ITSN2: variants seen among roughly 807,000 people sequenced by gnomAD.
ITSN2 encodes the protein intersectin-2.
Under a neutral mutation model 243.7 loss-of-function variants are expected in ITSN2, and 156 were observed. The observed-to-expected ratio is 0.64, with a 90% CI of 0.56 to 0.73. The LOEUF is 0.73. Ranked by LOEUF, ITSN2 falls within the 30% of genes least tolerant of loss-of-function variation. The pLI is 0.00. For synonymous variants in ITSN2, 703 were observed against 699.9 expected (o/e 1.00, Z -0.07); for missense variants, 1,801 against 1,996.1 (o/e 0.90, Z 1.86).
At chr2:24,244,160 T>C (rs1673073024) in intron 29 of ITSN2, among the ~76,000 whole-genome samples, 1 of 152,230 alleles carries the variant, frequency 6.6e-6, no homozygotes, top group South Asian at 2.1e-4. Flanking sequence ...ATTTTCTGTA[T>C]CATTAGTGTA....
At chr2:24,306,075 G>A (rs1290917178) in intron 8 of ITSN2, among the ~76,000 whole-genome samples, 1 of 152,042 alleles carries the variant, frequency 6.6e-6, no homozygotes, top group East Asian at 1.9e-4. Context: ...TGCCTCCCAG[G>A]CACAAATAAT....
chr2:24,238,355 G>A (rs1044659275), intron 29 of ITSN2, among the ~76,000 whole-genome samples: 10 of 151,882 alleles, frequency 6.6e-5, no homozygotes, highest in South Asian at 4.2e-4. Flanking sequence ...ATAAGTTTCC[G>A]GAGATGAGGA....
intron 29 of ITSN2, among the ~76,000 whole-genome samples, chr2:24,222,668 CTTTTT>C (rs56149622): frequency 7.8e-5 from 6 of 77,262 alleles, no homozygotes; most frequent in African/African-American, 2.2e-4. Context: ...TTTTTCTTTT[CTTTTT>C]TTTTTTTTTT....
intron 33 of ITSN2, 95 bp downstream of exon 33, chr2:24,212,555 G>A: frequency 1.1e-6 from 1 of 878,054 alleles, no homozygotes; most frequent in Non-Finnish European, 1.8e-6. Flanking sequence ...GCAGGGTGAG[G>A]TGGCATGCTC....
At chr2:24,328,862 A>G (rs1386243507) in intron 1 of ITSN2, among the ~76,000 whole-genome samples, 1 of 152,202 alleles carries the variant, frequency 6.6e-6, no homozygotes, top group African/African-American at 2.4e-5. Flanking sequence ...AAATAGTCTA[A>G]AAGTAATTAT....
At chr2:24,332,745 G>C (rs1171480270) in intron 1 of ITSN2, among the ~76,000 whole-genome samples, 1 of 152,166 alleles carries the variant, frequency 6.6e-6, no homozygotes, top group African/African-American at 2.4e-5. Context: ...TCTATTTGCA[G>C]AGTAGTACTT....
At chr2:24,255,430 AC>A (rs1332104910) in intron 23 of ITSN2, among the ~76,000 whole-genome samples, 1 of 152,116 alleles carries the variant, frequency 6.6e-6, no homozygotes, top group Non-Finnish European at 1.5e-5. Context: ...GGAGTTTGAG[AC>A]CAGCCTGGCC....
At chr2:24,281,251 A>C (rs1036941198) in intron 17 of ITSN2, among the ~76,000 whole-genome samples, 7 of 152,200 alleles carry the variant, frequency 4.6e-5, no homozygotes, top group Non-Finnish European at 1.0e-4. Context: ...GCTGGTCTCA[A>C]ACTACTGACC....
intron 2 of ITSN2, among the ~76,000 whole-genome samples, chr2:24,325,465 A>G (rs928026384): frequency 6.6e-6 from 1 of 152,118 alleles, no homozygotes; most frequent in Non-Finnish European, 1.5e-5. Flanking sequence ...TTCAAAGCCA[A>G]TTTTAAAATA....
intron 1 of ITSN2, among the ~76,000 whole-genome samples, chr2:24,349,786 G>T (rs2702036): frequency 0.98 from 148,902 of 152,266 alleles, 72,803 homozygotes; most frequent in East Asian, 0.99. Flanking sequence ...AACTCCCTAA[G>T]GAAGAATTGT....
chr2:24,270,160 A>C (rs143173384), intron 20 of ITSN2, among the ~76,000 whole-genome samples: 2 of 152,172 alleles, frequency 1.3e-5, no homozygotes, highest in Non-Finnish European at 2.9e-5. Context: ...CAGAGACTAA[A>C]ATCCAAGTTT....
At chr2:24,334,827 G>A in intron 1 of ITSN2, 1 of 903,636 alleles carries the variant, frequency 1.1e-6, no homozygotes, top group Admixed American at 2.1e-5. Context: ...ACTTTGGGAG[G>A]CCGAGGCGGG....
Position 24,261,150 on chromosome 2 carries a change from T to G in ITSN2, c.2638A>C (p.Thr880Pro). ...ACAGATCCAGGGGACACAGTTCGAG[T>G]GAAGGCTGATTTTTTCTGCCATGAT... is the stretch of plus-strand genomic sequence containing the variant. The part of the protein sequence containing the change: ...NTSWQKKSAF[T>P]RTVSPGSVSP... The change falls in exon 22 of 40, where the codon ACT (threonine) becomes CCT (proline). Residue 880 changes from threonine to proline, a missense_variant. Transcript: ENST00000355123. 1 of 1,613,828 alleles carries G rather than the reference T, an allele frequency of 6.2e-7. No homozygotes were observed. The highest frequency in any genetic ancestry group is 8.5e-7 in the Non-Finnish European group (1 of 1,179,814).
chr2:24,232,634 T>G (rs1317628196), intron 29 of ITSN2, among the ~76,000 whole-genome samples: 3 of 152,246 alleles, frequency 2.0e-5, no homozygotes, highest in Non-Finnish European at 4.4e-5. Flanking sequence ...AATATGTGTA[T>G]GATGATTTTC....
intron 30 of ITSN2, chr2:24,220,690 T>G: frequency 1.5e-6 from 2 of 1,303,060 alleles, no homozygotes; most frequent in Non-Finnish European, 1.9e-6. Context: ...GAATGCCCTC[T>G]TGTTCTCCCG....
chr2:24,226,245 C>G (rs1671017287), intron 29 of ITSN2, among the ~76,000 whole-genome samples: 1 of 152,146 alleles, frequency 6.6e-6, no homozygotes, highest in Admixed American at 6.5e-5. Context: ...TTTCCCTGTT[C>G]TGCTCTGGGC....
At chr2:24,272,959 G>A (rs975184753) in intron 18 of ITSN2, among the ~76,000 whole-genome samples, 6 of 152,018 alleles carry the variant, frequency 3.9e-5, no homozygotes, top group African/African-American at 1.5e-4. Flanking sequence ...TTACTCAGAG[G>A]TAGAGCTGCC....
Position 24,209,995 on chromosome 2 carries a change from G to A in ITSN2, c.4296C>T (p.Pro1432=). Residue 1432 remains proline (P), a synonymous_variant, in exon 35 of 40, where the codon CCC becomes CCT. Coordinates refer to ENST00000355123, the MANE Select transcript of ITSN2 (RefSeq NM_006277.3). ...IFNSLTNCLG[P]RKLLHSGKLY... The stretch of plus-strand genomic sequence containing the variant: ...ATTTCCCACTGTGTAAGAGCTTCCG[G>A]GGCCCCAGGCAGTTGGTGAGAGAGT... The A allele has an allele frequency of 6.2e-7, 1 of 1,614,080 alleles. No homozygotes were observed.
In ITSN2 at chr2:24,313,497, G is replaced by T. The variant is rs752316946; in HGVS notation, c.151C>A (p.Gln51Lys). The T allele has an allele frequency of 1.7e-5, 28 of 1,613,268 alleles. No individual in the cohort carries two copies. Among genetic ancestry groups the T allele is most frequent in the Non-Finnish European group, 2.1e-5 (25 of 1,179,612 alleles). The change falls in exon 4 of 40, where the codon CAA becomes AAA. Residue 51 changes from glutamine to lysine, a missense_variant. Transcript: ENST00000355123. ...TGDQARNFFL[Q>K]SGLPAPVLAE... is the part of the protein sequence containing the mutation. ...AAAACAGGGGCCGGCAGACCTGATT[G>T]TAGGAAAAAATTACGTGCTTGATCA...
Sources: gnomAD v4.1 joint callset for allele counts (sites outside exome capture counted in the v4.1 genomes callset) on GRCh38, gnomAD v4.1.1 for gene constraint, MANE v1.5 for transcripts, NCBI Gene and HGNC (gene_info 2026-07-23, HGNC 2026-07-21) for gene names.